The following TUT4 variants were observed in gnomAD, a reference collection of about 807,000 sequenced individuals.
The protein encoded by TUT4 is terminal uridylyl transferase 4, also known as terminal uridylyltransferase 4.
A neutral mutation model predicts 192.2 loss-of-function variants in TUT4; 36 were observed. The observed-to-expected ratio is 0.19, with a 90% CI of 0.14 to 0.25. The LOEUF is 0.25. TUT4 is among the 10% of genes least tolerant of loss of function. The pLI, the probability that TUT4 is intolerant of heterozygous loss-of-function variation, is 1.00. For missense variants in TUT4, 1,493 were observed against 1,957.2 expected (o/e 0.76, Z 4.47); for synonymous variants, 618 against 666.0 (o/e 0.93, Z 1.11).
chr1:52,513,650 T>C (rs541797982), intron 3 of TUT4, among the ~76,000 whole-genome samples: 1 of 152,260 alleles, frequency 6.6e-6, no homozygotes, highest in East Asian at 1.9e-4. Context: ...CCAGGCCATT[T>C]TTCCTACTAC....
At chr1:52,448,113 T>C (rs1007905386) in intron 20 of TUT4, among the ~76,000 whole-genome samples, 3 of 152,218 alleles carry the variant, frequency 2.0e-5, no homozygotes, top group Non-Finnish European at 2.9e-5. Flanking sequence ...CAAAGCCACA[T>C]AGAGAACACT....
chr1:52,501,994 T>C (rs188670342), intron 4 of TUT4, among the ~76,000 whole-genome samples: 5 of 152,176 alleles, frequency 3.3e-5, no homozygotes, highest in Admixed American at 6.5e-5. Flanking sequence ...AGTTTCAGTA[T>C]AGAATGATGA....
intron 9 of TUT4, among the ~76,000 whole-genome samples, chr1:52,483,915 G>A (rs560579378): frequency 6.6e-6 from 1 of 152,294 alleles, no homozygotes; most frequent in South Asian, 2.1e-4. Context: ...AGCTACTCAA[G>A]AGGCAGAGGC....
intron 14 of TUT4, 42 bp downstream of exon 14, chr1:52,471,910 G>A (rs754574548): frequency 1.9e-6 from 3 of 1,540,710 alleles, no homozygotes; most frequent in Non-Finnish European, 2.6e-6. Flanking sequence ...TAATATCTAA[G>A]AAGGAATCTA....
intron 11 of TUT4, 115 bp downstream of exon 11, chr1:52,481,308 T>G: frequency 2.8e-6 from 3 of 1,090,700 alleles, no homozygotes; most frequent in Non-Finnish European, 4.0e-6. Flanking sequence ...ATGAGGAAAA[T>G]GAGGCCAAGA....
chr1:52,525,056 TTCA>T (rs1681354138), intron 2 of TUT4, among the ~76,000 whole-genome samples: 1 of 152,132 alleles, frequency 6.6e-6, no homozygotes, highest in Non-Finnish European at 1.5e-5. Flanking sequence ...CTCTCTCAAC[TTCA>T]ATTAAGTTTT....
chr1:52,452,250 G>C (rs964102842), intron 20 of TUT4, among the ~76,000 whole-genome samples: 3 of 152,174 alleles, frequency 2.0e-5, no homozygotes, highest in Non-Finnish European at 4.4e-5. Flanking sequence ...ACAAAAGAGA[G>C]TTATACAAAG....
In TUT4 at chr1:52,431,286, A is replaced by T; in HGVS notation, c.4438T>A (p.Ser1480Thr). ...VQMPLYNFPQ[S>T]PPAQYSPMHN... ...ATGGGAGAATACTGAGCTGGTGGTG[A>T]CTGGGGAAAGTTATACAGTGGCATC... Residue 1480 changes from serine (S) to threonine (T), a missense_variant, in exon 28 of 30, where the codon TCA becomes ACA. By Grantham distance (58) the Ser-to-Thr change is moderately conservative. Transcript: ENST00000257177. The T allele has an allele frequency of 2.5e-6, 4 of 1,614,172 alleles. No individual in the cohort carries two copies. Among genetic ancestry groups the T allele is most frequent in the South Asian group, 1.1e-5 (1 of 91,074 alleles).
At chr1:52,462,175 C>CTTTTTTTTT (rs1210058850) in intron 16 of TUT4, 4 of 121,062 alleles carry the variant, frequency 3.3e-5, no homozygotes, top group Non-Finnish European at 5.1e-5. Flanking sequence ...GGATTCAAAT[C>CTTTTTTTTT]TTTTTTTTTT....
At chr1:52,547,657 C>T (rs993293648) in intron 1 of TUT4, among the ~76,000 whole-genome samples, 4 of 152,214 alleles carry the variant, frequency 2.6e-5, no homozygotes, top group East Asian at 1.9e-4. Context: ...TTAAACAAAA[C>T]GTGGTATCTC....
Position 52,436,756 on chromosome 1 carries a change from T to G in TUT4, c.4161A>C (p.Ala1387=). 6.2e-7 allele frequency: 1 copy of G among 1,613,064 alleles called. No individual in the cohort carries two copies. Among genetic ancestry groups the G allele is most frequent in the Non-Finnish European group, 8.5e-7 (1 of 1,179,996 alleles). The part of the protein sequence containing the change: ...KLARQRNSSV[A]AAQLVRNLVN... ...CTATGTTTGGCCTTTTCTATTTACC[T>G]GCCACACTGCTATTCCTCTGACGGG... Residue 1387 remains alanine, a splice_region_variant and synonymous_variant, in exon 26 of 30, where the codon GCA becomes GCC. Transcript: ENST00000257177.
rs547726268 is a variant in TUT4 at position 52,509,044 on chromosome 1, C to T, written c.999+552G>A. ...CCTGCCTAAAGACTTTTAATTCATG[C>T]TGCTTTTTGTGTAAAATGCTCTCCC... On this transcript the variant is annotated intron_variant, in intron 4 of 29. Transcript: ENST00000257177. 2.0e-5 allele frequency among the ~76,000 whole-genome samples: 3 copies of T among 152,246 alleles called. No individual in the cohort carries two copies. The East Asian group carries it at 5.8e-4, about 29-fold the overall frequency.
intron 19 of TUT4, chr1:52,460,905 C>A: frequency 6.6e-6 from 2 of 302,418 alleles, no homozygotes; most frequent in Non-Finnish European, 1.2e-5. Flanking sequence ...AATGTTACTG[C>A]TGAGAAACTG....
At chr1:52,468,091 A>T in intron 15 of TUT4, 90 bp downstream of exon 15, 1 of 941,488 alleles carries the variant, frequency 1.1e-6, no homozygotes, top group Non-Finnish European at 1.6e-6. Flanking sequence ...TACTTAACAC[A>T]TAGCATTCAA....
chr1:52,512,505 C>T (rs1391135309), intron 3 of TUT4, among the ~76,000 whole-genome samples: 1 of 152,194 alleles, frequency 6.6e-6, no homozygotes, highest in Non-Finnish European at 1.5e-5. Flanking sequence ...ACGCACTTGA[C>T]CACTGTGCAC....
chr1:52,547,965 A>G (rs574053670), intron 1 of TUT4, among the ~76,000 whole-genome samples: 2 of 152,188 alleles, frequency 1.3e-5, no homozygotes, highest in Non-Finnish European at 2.9e-5. Flanking sequence ...AAAGCCACTG[A>G]ATTGTATCTT....
At chr1:52,472,242 T>C (rs965811925) in intron 13 of TUT4, 140 bp from the exon 14 acceptor site, 4 of 880,048 alleles carry the variant, frequency 4.5e-6, no homozygotes, top group African/African-American at 3.5e-5. Context: ...AAAAAAAACA[T>C]GTTGTTAAAA....
chr1:52,547,783 A>C (rs1389085633), intron 1 of TUT4, among the ~76,000 whole-genome samples: 1 of 152,206 alleles, frequency 6.6e-6, no homozygotes, highest in Non-Finnish European at 1.5e-5. Context: ...CATACTATAT[A>C]ATTCCTTGTA....
At chr1:52,524,001 G>C (rs573546364) in intron 2 of TUT4, among the ~76,000 whole-genome samples, 46 of 152,152 alleles carry the variant, frequency 3.0e-4, no homozygotes, top group East Asian at 2.1e-3. Flanking sequence ...GATTATAAAA[G>C]AAATTATTTA....
Sources: gnomAD v4.1 joint callset for allele counts (sites outside exome capture counted in the v4.1 genomes callset) on GRCh38, gnomAD v4.1.1 for gene constraint, MANE v1.5 for transcripts, NCBI Gene and HGNC (gene_info 2026-07-23, HGNC 2026-07-21) for gene names.